SNX25: variants seen among roughly 807,000 people sequenced by gnomAD.
SNX25 encodes the protein sorting nexin 25, also known as sorting nexin-25.
SNX25 carries 62 observed loss-of-function variants against 113.7 expected under a neutral mutation model. That is an observed-to-expected ratio of 0.55 (90% confidence interval 0.44 to 0.67). The LOEUF (loss-of-function observed/expected upper bound fraction) is 0.67, where lower values mean the gene tolerates loss of function less well. Among genes scored for constraint, SNX25 ranks in the 30% least tolerant of loss-of-function variants. The pLI is 0.00. For synonymous variants in SNX25, 421 were observed against 436.2 expected, an observed-to-expected ratio of 0.97 and a Z score of 0.43; for missense variants, 1,014 against 1,161.0, an observed-to-expected ratio of 0.87 and a Z score of 1.84.
At chr4:185,267,438 T>A (rs1296454134) in intron 5 of SNX25, among the ~76,000 whole-genome samples, 5 of 151,986 alleles carry the variant, frequency 3.3e-5, no homozygotes, top group South Asian at 2.1e-4. Context: ...CATATAACAT[T>A]TGACTTGGGC....
At chr4:185,338,339 G>A (rs971321614) in intron 10 of SNX25, among the ~76,000 whole-genome samples, 13 of 149,446 alleles carry the variant, frequency 8.7e-5, no homozygotes, top group African/African-American at 3.2e-4. Context: ...GAAGTGGCAC[G>A]ATCTCGGCTC....
intron 2 of SNX25, among the ~76,000 whole-genome samples, chr4:185,256,758 G>A (rs1746500940): frequency 6.6e-6 from 1 of 151,038 alleles, no homozygotes. Context: ...CAAGTAGCTG[G>A]GAATATAGGC....
At chr4:185,240,733 C>A (rs1310782741) in intron 1 of SNX25, among the ~76,000 whole-genome samples, 1 of 151,932 alleles carries the variant, frequency 6.6e-6, no homozygotes, top group Non-Finnish European at 1.5e-5. Flanking sequence ...GGGTGGCTGC[C>A]GGGCGGAGAC....
upstream of SNX25, among the ~76,000 whole-genome samples, chr4:185,205,629 G>T (rs566106737): frequency 2.2e-3 from 328 of 152,278 alleles, 1 homozygote; most frequent in Non-Finnish European, 3.1e-3. Flanking sequence ...AGGAGTTCCA[G>T]ACCAGCCTGG....
chr4:185,319,193 C>CTTTTTTTTT, intron 7 of SNX25, among the ~76,000 whole-genome samples: 1 of 85,948 alleles, frequency 1.2e-5, no homozygotes, highest in African/African-American at 6.0e-5. Flanking sequence ...TGAGAAAGTC[C>CTTTTTTTTT]TTTTTTTTTT....
intron 5 of SNX25, among the ~76,000 whole-genome samples, chr4:185,275,349 A>AT (rs1202269685): frequency 4.6e-5 from 7 of 152,328 alleles, no homozygotes; most frequent in South Asian, 4.1e-4. Flanking sequence ...AGAAAAGAAG[A>AT]TTTTTTATCT....
downstream of SNX25, chr4:185,374,354 T>C: frequency 6.2e-7 from 1 of 1,614,178 alleles, no homozygotes; most frequent in Non-Finnish European, 8.5e-7. Flanking sequence ...TAACACCTTT[T>C]CCTTCATAAT....
rs546083196 is a variant in SNX25, at chr4:185,212,491, G to GTGTGTGTGTTTGTTT, written c.429+2237_429+2238insGTGTGTGTTTGTTTT. ...TGTGTGTGTGTGTGTGTGTGTGTGTGTTTTTTTTTTTTTTTGCTTTGAGAC... is the reference window on the plus strand; with the variant it reads ...TGTGTGTGTGTGTGTGTGTGTGTGTGTGTGTGTGTTTGTTTTTTTTTTTTTTTTTTGCTTTGAGAC... On this transcript the variant is annotated intron_variant, in intron 1 of 18. Transcript: ENST00000652585. Among the ~76,000 whole-genome samples the GTGTGTGTGTTTGTTT allele has an allele frequency of 8.4e-4, 88 of 104,936 alleles. 5 individuals carry two copies. Among genetic ancestry groups the GTGTGTGTGTTTGTTT allele is most frequent in the African/African-American group, 2.9e-3 (79 of 27,024 alleles). The allele number at this position is 104,936 out of a possible 152,430, so 68.8% of individuals were successfully genotyped here. A position where few individuals can be genotyped will look rare whatever the true frequency, so the allele number is the denominator to read the frequency against.
At chr4:185,349,572 A>C (rs1345076852) in intron 13 of SNX25, among the ~76,000 whole-genome samples, 1 of 151,972 alleles carries the variant, frequency 6.6e-6, no homozygotes, top group Non-Finnish European at 1.5e-5. Context: ...CCTTGCCAAC[A>C]CTTCTTTTCT....
chr4:185,359,452 C>T (rs181626588), intron 16 of SNX25, among the ~76,000 whole-genome samples: 23 of 151,804 alleles, frequency 1.5e-4, no homozygotes, highest in African/African-American at 5.6e-4. Flanking sequence ...TTGTTTTAGT[C>T]TAAGGCAAAC....
chr4:185,210,004 C>T lies in SNX25; in HGVS notation c.178C>T (p.Pro60Ser), dbSNP rs1450783956. The T allele has an allele frequency of 1.0e-6, 1 of 983,852 alleles. No individual in the cohort carries two copies. The highest frequency in any genetic ancestry group is 1.8e-5 in the African/African-American group (1 of 57,080). The allele number at this position is 983,852 out of a possible 1,614,324, so 60.9% of individuals were successfully genotyped here. The change falls in exon 1 of 19, where the codon CCC (proline) becomes TCC (serine). Residue 60 changes from proline (P) to serine (S), a missense_variant. Transcript: ENST00000652585. This position sits in a 1 kb window ranked among gnomAD's most constrained non-coding sequence, Gnocchi z 4.4. ...CCCGGGCGGCCGGAGCTGGTGGAAG[C>T]CCGTGGCGGTGGCCGCACTCGCCGC... is the stretch of plus-strand genomic sequence containing the variant. ...GAPGGRSWWK[P>S]VAVAALAAVA...
chr4:185,282,721 G>C (rs183691988), intron 5 of SNX25, among the ~76,000 whole-genome samples: 1 of 152,182 alleles, frequency 6.6e-6, no homozygotes, highest in African/African-American at 2.4e-5. Context: ...CTGAATTCTT[G>C]TTATGCCCCT....
chr4:185,266,250 T>C (rs1430422302), intron 4 of SNX25, among the ~76,000 whole-genome samples: 1 of 152,194 alleles, frequency 6.6e-6, no homozygotes, highest in Non-Finnish European at 1.5e-5. Context: ...TTTAACCAGT[T>C]GGGGAGAATG....
Position 185,351,458 on chromosome 4 carries a change from A to G in SNX25, c.2315A>G (p.Asp772Gly), listed in dbSNP as rs2095314332. ...TTTCTTCCATAGAATCTGCTTTCAG[A>G]TGAAAGACTGTGTCAGAGTGAAGCA... ...LNKFLQNLLS[D>G]ERLCQSEALY... Residue 772 changes from aspartate (D) to glycine (G), a missense_variant, in exon 14 of 19, where the codon GAT (aspartate) becomes GGT (glycine). Transcript: ENST00000652585. 6.2e-7 allele frequency: 1 copy of G among 1,613,870 alleles called. No individual in the cohort carries two copies. Among genetic ancestry groups the G allele is most frequent in the South Asian group, 1.1e-5 (1 of 90,966 alleles).
rs78573153 is a variant in SNX25, at chr4:185,323,575, G to A, written c.1524G>A (p.Val508=). Residue 508 remains valine (V), a synonymous_variant, in exon 9 of 19, where the codon GTG becomes GTA. Transcript: ENST00000652585. ...LVGEIYQNFF[V]ESKEISVEKS... ...GTGAAATTTATCAGAATTTCTTTGT[G>A]GAGAGCAAAGAAATATCTGTGGAAA... is the stretch of plus-strand genomic sequence containing the variant. The A allele has an allele frequency of 2.4e-3, 3,950 of 1,612,342 alleles. 68 individuals are homozygous for A. The African/African-American group carries it at 0.042, about 17-fold the overall frequency.
At chr4:185,293,074 A>T (rs1405992244) in intron 6 of SNX25, among the ~76,000 whole-genome samples, 1 of 152,266 alleles carries the variant, frequency 6.6e-6, no homozygotes, top group African/African-American at 2.4e-5. Flanking sequence ...GATAATCAAA[A>T]GAGCAATAAC....
chr4:185,274,042 G>A (rs1579572702), intron 5 of SNX25, among the ~76,000 whole-genome samples: 1 of 151,162 alleles, frequency 6.6e-6, no homozygotes, highest in African/African-American at 2.4e-5. Flanking sequence ...AAGGAAAAAA[G>A]ATGACAAGGT....
At chr4:185,354,511 G>T (rs1467224505) in intron 15 of SNX25, among the ~76,000 whole-genome samples, 1 of 152,152 alleles carries the variant, frequency 6.6e-6, no homozygotes, top group Non-Finnish European at 1.5e-5. Context: ...CTGTGCTCAG[G>T]ACAGCCCCGC....
At chr4:185,246,221 G>A (rs1438028038) in intron 1 of SNX25, among the ~76,000 whole-genome samples, 1 of 152,170 alleles carries the variant, frequency 6.6e-6, no homozygotes, top group Non-Finnish European at 1.5e-5. Context: ...GGAGGCGGAG[G>A]TTGCAGTGAG....
Sources: gnomAD v4.1 joint callset for allele counts (sites outside exome capture counted in the v4.1 genomes callset) on GRCh38, gnomAD v4.1.1 for gene constraint, Gnocchi (gnomAD v3.1) non-coding constraint, MANE v1.5 for transcripts, NCBI Gene and HGNC (gene_info 2026-07-23, HGNC 2026-07-21) for gene names.